The following SLC22A2 variants were observed in gnomAD, a reference collection of about 807,000 sequenced individuals.
SLC22A2 encodes the protein organic cation transporter 2.
Under a neutral mutation model 60.5 loss-of-function variants are expected in SLC22A2, and 46 were observed. The observed-to-expected ratio is 0.76, with a 90% confidence interval of 0.60 to 0.97. SLC22A2 has a LOEUF of 0.97. Ranked by LOEUF, SLC22A2 falls within the 50% of genes least tolerant of loss-of-function variation. The pLI is 0.00. For missense variants in SLC22A2, 701 were observed against 706.6 expected (o/e 0.99, Z 0.09); for synonymous variants, 303 against 267.0 (o/e 1.13, Z -1.31).
At chr6:160,237,456 A>G (rs2114860087) in intron 9 of SLC22A2, among the ~76,000 whole-genome samples, 1 of 152,286 alleles carries the variant, frequency 6.6e-6, no homozygotes, top group South Asian at 2.1e-4. Context: ...TTCAGATATC[A>G]CTTTTTGTCA....
In SLC22A2 at chr6:160,257,185, T is replaced by G. The variant is rs569441056; in HGVS notation, c.415-468A>C. Among the ~76,000 whole-genome samples the G allele has an allele frequency of 3.3e-5, 5 of 152,336 alleles. No individual in the cohort carries two copies. The South Asian group carries it at 1.0e-3, about 32-fold the overall frequency. The stretch of plus-strand genomic sequence containing the variant: ...GGTAATTACTTATAGACAAATTTAT[T>G]TTTTCCTTTCTAATTTCAATGCACA... On this transcript the variant is annotated intron_variant, in intron 1 of 10. Transcript: ENST00000366953.
chr6:160,254,678 C>T (rs998657551), intron 2 of SLC22A2, among the ~76,000 whole-genome samples: 16 of 152,106 alleles, frequency 1.1e-4, no homozygotes, highest in African/African-American at 2.9e-4. Context: ...GGGCAATGAC[C>T]GGCCAAGCTT....
Position 160,217,509 on chromosome 6 carries a change from A to G in SLC22A2, c.1602-11T>C. ...TTATTTTTTCTTGGTCTGCAATAAGAAATAAAAATGGAGAGGGGAGAAAGA... is the reference window on the plus strand; with the variant it reads ...TTATTTTTTCTTGGTCTGCAATAAGGAATAAAAATGGAGAGGGGAGAAAGA... On this transcript the variant is annotated splice_polypyrimidine_tract_variant and intron_variant, in intron 10 of 10. Transcript: ENST00000366953. 1 of 1,503,760 alleles carries G rather than the reference A, an allele frequency of 6.6e-7. No individual in the cohort carries two copies. The highest frequency in any genetic ancestry group is 9.2e-7 in the Non-Finnish European group (1 of 1,082,136). The allele number at this position is 1,503,760 out of a possible 1,614,324, so 93.2% of individuals were successfully genotyped here.
intron 2 of SLC22A2, among the ~76,000 whole-genome samples, chr6:160,251,580 T>C (rs1346109697): frequency 6.6e-6 from 1 of 152,156 alleles, no homozygotes; most frequent in African/African-American, 2.4e-5. Flanking sequence ...TGGGGCCCAA[T>C]ACTGTTATTT....
At chr6:160,250,727 GGAATT>G in intron 2 of SLC22A2, 25 bp from the exon 3 acceptor site, 5 of 1,607,354 alleles carry the variant, frequency 3.1e-6, no homozygotes, top group Non-Finnish European at 4.3e-6. Context: ...ACAAAGAGAG[GGAATT>G]GAATTAATTT....
At chr6:160,232,198 C>CA (rs1281241585) in intron 9 of SLC22A2, among the ~76,000 whole-genome samples, 1 of 151,834 alleles carries the variant, frequency 6.6e-6, no homozygotes, top group Non-Finnish European at 1.5e-5. Flanking sequence ...CCTGATACCA[C>CA]ACCTGACCCC....
rs1332604480 is a variant in SLC22A2, at chr6:160,217,058, A to G, written c.*374T>C. 1.8e-5 allele frequency: 3 copies of G among 165,568 alleles called. No homozygotes were observed. The highest frequency in any genetic ancestry group is 3.9e-5 in the Non-Finnish European group (3 of 77,920). The allele number at this position is 165,568 out of a possible 1,614,324, so 10.3% of individuals were successfully genotyped here. ...AAATAGATGCTCCTCTCCCAACTTTACTGTTTTTCACACTTTTTTCTATTT... is the reference window on the plus strand; with the variant it reads ...AAATAGATGCTCCTCTCCCAACTTTGCTGTTTTTCACACTTTTTTCTATTT... On this transcript the variant is annotated 3_prime_UTR_variant, in exon 11 of 11. Transcript: ENST00000366953.
At chr6:160,253,196 G>A (rs1783215447) in intron 2 of SLC22A2, among the ~76,000 whole-genome samples, 1 of 152,218 alleles carries the variant, frequency 6.6e-6, no homozygotes. Context: ...TCCATAGGCA[G>A]TGTGCCTGGA....
intron 10 of SLC22A2, among the ~76,000 whole-genome samples, chr6:160,223,815 C>T (rs1417220388): frequency 2.6e-5 from 4 of 152,306 alleles, no homozygotes; most frequent in African/African-American, 7.2e-5. Flanking sequence ...GCAACCTCTG[C>T]CTCCCAGTTT....
chr6:160,247,984 C>T lies in SLC22A2; in HGVS notation c.843-686G>A, dbSNP rs539654629. On this transcript the variant is annotated intron_variant, in intron 4 of 10. Coordinates refer to ENST00000366953, the MANE Select transcript of SLC22A2 (RefSeq NM_003058.4). The stretch of plus-strand genomic sequence containing the variant: ...CCAGTTGGGATCATCACTCTGGGAG[C>T]GAAGTTGCTCTGAGAGGCAGGGCTT... 2.8e-4 allele frequency among the ~76,000 whole-genome samples: 43 copies of T among 152,136 alleles called. 1 individual carries two copies. The South Asian group carries it at 7.7e-3, about 27-fold the overall frequency.
intron 10 of SLC22A2, among the ~76,000 whole-genome samples, chr6:160,219,093 T>TAGCAGCAGTAAC (rs1562428686): frequency 1.5e-4 from 1 of 6,638 alleles, no homozygotes; most frequent in African/African-American, 4.6e-4. Flanking sequence ...TCAGCAACAA[T>TAGCAGCAGTAAC]AACAGCAACA....
chr6:160,224,787 CA>C lies in SLC22A2; in HGVS notation c.1518del (p.Ala507LeufsTer36). On this transcript the variant is annotated frameshift_variant, in exon 10 of 11. Transcript: ENST00000366953. LOFTEE classifies it high-confidence loss of function. Reference sequence around the variant, plus strand: ...GGAAGCAACAGCACCAGACCTCCAGCAACCAAGCCAAGCACGCCTGAAAGCC... The same window carrying C: ...GGAAGCAACAGCACCAGACCTCCAGCACCAAGCCAAGCACGCCTGAAAGCC... ...PLMVFGVLGL[V>X]AGGLVLLLPE... The C allele has an allele frequency of 6.3e-7, 1 of 1,597,078 alleles. No homozygotes were observed. The highest frequency in any genetic ancestry group is 1.1e-5 in the South Asian group (1 of 88,066).
intron 10 of SLC22A2, among the ~76,000 whole-genome samples, chr6:160,221,802 G>A (rs527697739): frequency 6.6e-6 from 1 of 152,294 alleles, no homozygotes; most frequent in African/African-American, 2.4e-5. Flanking sequence ...GGTTTGTGGT[G>A]CCCTAAAACA....
In SLC22A2 at chr6:160,229,060, C is replaced by G. The variant is rs202120071; in HGVS notation, c.1502-4256G>C. On this transcript the variant is annotated intron_variant, in intron 9 of 10. Transcript: ENST00000366953. ...CATGGACACCAGTGAAATTTGGTTC[C>G]GTGACTCGGATCAGGGGACCTCTCT... Among the ~76,000 whole-genome samples, 3 of 152,036 alleles carry G rather than the reference C, an allele frequency of 2.0e-5. No individual in the cohort carries two copies. The South Asian group carries it at 6.2e-4, about 32-fold the overall frequency.
chr6:160,245,244 G>A (rs1783070619), intron 6 of SLC22A2, 195 bp downstream of exon 6: 2 of 414,374 alleles, frequency 4.8e-6, no homozygotes, highest in Non-Finnish European at 8.6e-6. Context: ...GCCTTGATCT[G>A]TGCTTAGGGG....
In SLC22A2 at chr6:160,243,736, G is replaced by A. The variant is rs1583397869; in HGVS notation, c.1115C>T (p.Ala372Val). 1 of 1,613,996 alleles carries A rather than the reference G, an allele frequency of 6.2e-7. No individual in the cohort carries two copies. The highest frequency in any genetic ancestry group is 1.3e-5 in the African/African-American group (1 of 75,024). ...GAAATCCAGGTAGATATTGTCACCT[G>A]CAAGGCCCATGTGCATGATGAGGCC... The part of the protein sequence containing the change: ...YQGLIMHMGL[A>V]GDNIYLDFFY... Residue 372 changes from alanine (A) to valine (V), a missense_variant, in exon 7 of 11, where the codon GCA (alanine) becomes GTA (valine). Transcript: ENST00000366953.
At chr6:160,234,664 C>T (rs1197254812) in intron 9 of SLC22A2, among the ~76,000 whole-genome samples, 1 of 152,222 alleles carries the variant, frequency 6.6e-6, no homozygotes, top group Non-Finnish European at 1.5e-5. Context: ...TTGGTTTCCA[C>T]CATCCAACAG....
At chr6:160,231,145 A>G (rs914586467) in intron 9 of SLC22A2, among the ~76,000 whole-genome samples, 1 of 151,832 alleles carries the variant, frequency 6.6e-6, no homozygotes, top group Non-Finnish European at 1.5e-5. Context: ...GTGGGTATTG[A>G]TGGCCCAGCT....
At chr6:160,244,059 A>G (rs991729893) in intron 6 of SLC22A2, 2 of 377,522 alleles carry the variant, frequency 5.3e-6, no homozygotes, top group East Asian at 8.4e-5. Flanking sequence ...TTGAAAGCCA[A>G]GAAGAATGTC....
Sources: allele counts gnomAD v4.1 joint callset (sites outside exome capture counted in the v4.1 genomes callset), GRCh38; gene constraint gnomAD v4.1.1; transcripts MANE v1.5; gene names NCBI Gene and HGNC (gene_info 2026-07-23, HGNC 2026-07-21).